The following COL5A1 variants were observed in gnomAD, a reference collection of about 807,000 sequenced individuals.
COL5A1 encodes collagen type V alpha 1 chain, also known as collagen alpha-1(V) chain.
COL5A1 carries 16 observed loss-of-function variants against 263.7 expected under a neutral mutation model. The ratio of observed to expected loss-of-function variants is 0.06; its 90% CI spans 0.04 to 0.09. The LOEUF (loss-of-function observed/expected upper bound fraction) is 0.09, where lower values mean the gene tolerates loss of function less well. Ranked by LOEUF, COL5A1 falls within the 10% of genes least tolerant of loss-of-function variation. The pLI, the probability that COL5A1 is intolerant of heterozygous loss-of-function variation, is 1.00. For synonymous variants in COL5A1, 1,012 were observed against 1,004.5 expected (o/e 1.01, Z -0.14); for missense variants, 2,036 against 2,540.5 (o/e 0.80, Z 4.27).
intron 4 of COL5A1, among the ~76,000 whole-genome samples, chr9:134,724,583 G>A (rs754096605): frequency 3.3e-5 from 5 of 152,220 alleles, no homozygotes; most frequent in Non-Finnish European, 7.3e-5. Context: ...AAAAGTCTTC[G>A]TGGAAGAGAG....
chr9:134,675,769 A>G (rs903695171), intron 1 of COL5A1, among the ~76,000 whole-genome samples: 2 of 152,198 alleles, frequency 1.3e-5, no homozygotes, highest in African/African-American at 4.8e-5. Flanking sequence ...GGTTCTCTTC[A>G]CATGGAGCCC....
chr9:134,840,228 A>G (rs1486933537), intron 65 of COL5A1, among the ~76,000 whole-genome samples: 2 of 152,202 alleles, frequency 1.3e-5, no homozygotes, highest in Non-Finnish European at 2.9e-5. Context: ...TGAAGTTCCA[A>G]TCCCAACTTG....
intron 42 of COL5A1, 149 bp downstream of exon 42, chr9:134,806,445 CG>C: frequency 1.6e-6 from 1 of 625,804 alleles, no homozygotes; most frequent in Non-Finnish European, 2.9e-6. Flanking sequence ...TAGGACAGAG[CG>C]TGTGTCCCAT....
At chr9:134,767,133 A>G in intron 23 of COL5A1, 80 bp downstream of exon 23, 1 of 1,529,842 alleles carries the variant, frequency 6.5e-7, no homozygotes, top group South Asian at 1.1e-5. Context: ...CCTGGGAGGA[A>G]GCGGGGAGCT....
chr9:134,701,804 C>T (rs1833686075), intron 4 of COL5A1, among the ~76,000 whole-genome samples: 1 of 152,236 alleles, frequency 6.6e-6, no homozygotes, highest in South Asian at 2.1e-4. Flanking sequence ...GGCCTCACTC[C>T]AGTCTAGCTG....
chr9:134,701,193 G>A lies in COL5A1; in HGVS notation c.514G>A (p.Val172Ile), dbSNP rs150147262. Residue 172 changes from valine to isoleucine, a missense_variant, in exon 4 of 66, where the codon GTC (valine) becomes ATC (isoleucine). Physicochemically the swap from Val to Ile is conservative, Grantham distance 29. This residue lies in a region of COL5A1 where 600 missense variants were observed against 634.5 expected (regional missense o/e 0.95). Coordinates refer to ENST00000371817, the MANE Select transcript of COL5A1 (RefSeq NM_000093.5). The stretch of plus-strand genomic sequence containing the variant: ...CAGGTGGCACAGAATTGCTCTCAGC[G>A]TCCACAAGAAAAATGTCACCTTGAT... The part of the protein sequence containing the change: ...DGKWHRIALS[V>I]HKKNVTLILD... The A allele has an allele frequency of 4.8e-5, 77 of 1,613,940 alleles. No homozygotes were observed. The African/African-American group carries it at 6.7e-4, about 14-fold the overall frequency.
At chr9:134,722,854 G>A (rs757422813) in intron 4 of COL5A1, among the ~76,000 whole-genome samples, 2 of 152,144 alleles carry the variant, frequency 1.3e-5, no homozygotes, top group African/African-American at 2.4e-5. Flanking sequence ...TGAGGCAGGT[G>A]GGCAGCTCTG....
In COL5A1 at chr9:134,818,790, G is replaced by T. The variant is rs1237014250; in HGVS notation, c.4338+27G>T. ...TGAGTAGGCTGTGAGGGGCAGAGGG[G>T]TTGCCGAGTGGAGGGACGGGGGACC... is the stretch of plus-strand genomic sequence containing the variant. On this transcript the variant is annotated intron_variant, in intron 55 of 65. Transcript: ENST00000371817. This position sits in a 1 kb window ranked among gnomAD's most constrained non-coding sequence, Gnocchi z 6.0. The T allele has an allele frequency of 4.3e-6, 7 of 1,612,336 alleles. No homozygotes were observed. Among genetic ancestry groups the T allele is most frequent in the Non-Finnish European group, 5.9e-6 (7 of 1,179,266 alleles).
At chr9:134,781,602 T>C (rs1428692436) in intron 28 of COL5A1, among the ~76,000 whole-genome samples, 3 of 152,236 alleles carry the variant, frequency 2.0e-5, no homozygotes, top group South Asian at 2.1e-4. Context: ...CTGATTGGGC[T>C]GTGCAGGGGA....
chr9:134,732,155 G>A, intron 9 of COL5A1, 28 bp downstream of exon 9: 6 of 1,613,462 alleles, frequency 3.7e-6, no homozygotes, highest in Non-Finnish European at 4.2e-6. Context: ...TTCCCTCCCT[G>A]CGCCGGGGTG....
chr9:134,683,249 G>A lies in COL5A1; in HGVS notation c.110-7663G>A, dbSNP rs576765234. Among the ~76,000 whole-genome samples, 26 of 152,300 alleles carry A rather than the reference G, an allele frequency of 1.7e-4. No individual in the cohort carries two copies. In the East Asian group the frequency reaches 3.5e-3, roughly 20 times the overall value. Reference sequence around the variant, plus strand: ...CTGGCTGCAGGAGTCCTCGAACACCGGCAGAGAGGAAACCTGTGTGGCCAT... The same window carrying A: ...CTGGCTGCAGGAGTCCTCGAACACCAGCAGAGAGGAAACCTGTGTGGCCAT... On this transcript the variant is annotated intron_variant, in intron 1 of 65. Coordinates refer to ENST00000371817, the MANE Select transcript of COL5A1 (RefSeq NM_000093.5).
In COL5A1 at chr9:134,841,539, A is replaced by G. The variant is rs891678548; in HGVS notation, c.5371-618A>G. The stretch of plus-strand genomic sequence containing the variant: ...GCACTACCCCTGCCCTCTGTGCCTC[A>G]GTTTACCTAAGACTCCTCTAGACCA... On this transcript the variant is annotated intron_variant, in intron 65 of 65. Coordinates refer to ENST00000371817, the MANE Select transcript of COL5A1 (RefSeq NM_000093.5). This position sits in a 1 kb window ranked among gnomAD's most constrained non-coding sequence, Gnocchi z 4.8. Among the ~76,000 whole-genome samples, 5 of 152,040 alleles carry G rather than the reference A, an allele frequency of 3.3e-5. No homozygotes were observed. The highest frequency in any genetic ancestry group is 3.3e-4 in the Admixed American group (5 of 15,274).
chr9:134,724,419 G>A (rs944194213), intron 4 of COL5A1, among the ~76,000 whole-genome samples: 6 of 152,198 alleles, frequency 3.9e-5, no homozygotes, highest in African/African-American at 1.2e-4. Context: ...CATGTGGGCC[G>A]GGCCTGTCCG....
At chr9:134,829,675 A>G (rs536316707) in intron 63 of COL5A1, among the ~76,000 whole-genome samples, 1 of 143,416 alleles carries the variant, frequency 7.0e-6, no homozygotes, top group South Asian at 2.3e-4. Flanking sequence ...CATGGCCTTC[A>G]GTCTCCCCAA....
At chr9:134,655,315 G>A (rs781236357) in intron 1 of COL5A1, among the ~76,000 whole-genome samples, 17 of 151,932 alleles carry the variant, frequency 1.1e-4, no homozygotes, top group South Asian at 2.1e-4. Context: ...GTCCCCACCC[G>A]AGGGAGGCGG....
At chr9:134,792,371 T>C (rs1837722102) in intron 32 of COL5A1, among the ~76,000 whole-genome samples, 2 of 152,000 alleles carry the variant, frequency 1.3e-5, no homozygotes, top group Admixed American at 6.6e-5. Context: ...GAGAGGTCTT[T>C]TATTTATTTA....
Position 134,642,144 on chromosome 9 carries a change from C to G in COL5A1, c.-44C>G. On this transcript the variant is annotated 5_prime_UTR_variant, in exon 1 of 66. Coordinates refer to ENST00000371817, the MANE Select transcript of COL5A1 (RefSeq NM_000093.5). The surrounding 1 kb of genome is among the most constrained non-coding windows in gnomAD (Gnocchi z 4.5). ...ACCCGCGCCCCTGTGCGTCCCCGCG[C>G]GCCTCCGAGCGCCCCTGTGCGCCCC... 8.1e-7 allele frequency: 1 copy of G among 1,236,466 alleles called. No individual in the cohort carries two copies. The highest frequency in any genetic ancestry group is 1.0e-6 in the Non-Finnish European group (1 of 993,498). The allele number at this position is 1,236,466 out of a possible 1,614,324, so 76.6% of individuals were successfully genotyped here.
At chr9:134,793,384 T>TGG (rs80045999) in intron 32 of COL5A1, among the ~76,000 whole-genome samples, 1,699 of 151,206 alleles carry the variant, frequency 0.011, 32 homozygotes, top group East Asian at 0.07. Context: ...CTAAGGAGGC[T>TGG]GGGGGGGGCA....
intron 18 of COL5A1, among the ~76,000 whole-genome samples, chr9:134,760,580 ACT>A (rs1156455605): frequency 9.0e-6 from 1 of 111,484 alleles, no homozygotes; most frequent in Non-Finnish European, 1.7e-5. Flanking sequence ...ACACCCCCAC[ACT>A]CAGACACATG....
Sources: allele counts gnomAD v4.1 joint callset (sites outside exome capture counted in the v4.1 genomes callset), GRCh38; gene constraint gnomAD v4.1.1; regional missense constraint gnomAD v4.1.1; non-coding constraint Gnocchi (gnomAD v3.1); transcripts MANE v1.5; gene names NCBI Gene and HGNC (gene_info 2026-07-23, HGNC 2026-07-21).